CSMD1: variants seen among roughly 807,000 people sequenced by gnomAD.
CSMD1 encodes CUB and sushi domain-containing protein 1.
A neutral mutation model predicts 417.5 loss-of-function variants in CSMD1; 213 were observed. That is an observed-to-expected ratio of 0.51 (90% CI 0.46 to 0.57). CSMD1 has a LOEUF of 0.57. Ranked by LOEUF, CSMD1 falls within the 20% of genes least tolerant of loss-of-function variation. The pLI, the probability that CSMD1 is intolerant of heterozygous loss-of-function variation, is 0.00. For missense variants in CSMD1, 6,923 were observed against 4,529.7 expected, an observed-to-expected ratio of 1.53 and a Z score of -15.17; for synonymous variants, 2,862 against 1,736.8, an observed-to-expected ratio of 1.65 and a Z score of -16.11.
chr8:3,452,425 C>A (rs1264690068), intron 12 of CSMD1, among the ~76,000 whole-genome samples: 1 of 152,138 alleles, frequency 6.6e-6, no homozygotes, highest in African/African-American at 2.4e-5. Flanking sequence ...CCAGTTTTTG[C>A]CCCTTCAGTA....
At position 4,074,124 on chromosome 8, in the gene CSMD1, T is replaced by C. The variant is rs548094654; in HGVS notation, c.416-42025A>G. Among the ~76,000 whole-genome samples the C allele has an allele frequency of 2.0e-5, 3 of 152,204 alleles. No homozygotes were observed. In the South Asian group the frequency reaches 6.2e-4, roughly 32 times the overall value. On this transcript the variant is annotated intron_variant, in intron 3 of 69. Coordinates refer to ENST00000635120, the MANE Select transcript of CSMD1 (RefSeq NM_033225.6). ...TAAGTGAGCTTAAATGGGTTTTAAG[T>C]TGATCATGCTCTCCACGTAAACATA...
intron 2 of CSMD1, among the ~76,000 whole-genome samples, chr8:4,470,080 C>G (rs1431060576): frequency 2.6e-5 from 4 of 151,974 alleles, no homozygotes; most frequent in Admixed American, 6.6e-5. Flanking sequence ...CCGTGTTAGC[C>G]AGGATGGTCT....
intron 3 of CSMD1, among the ~76,000 whole-genome samples, chr8:4,377,377 C>A (rs1328217456): frequency 6.6e-6 from 1 of 152,252 alleles, no homozygotes; most frequent in East Asian, 1.9e-4. Flanking sequence ...GCTTCCTTTT[C>A]TTTTAGTCGT....
At chr8:3,100,798 T>C (rs893327048) in intron 46 of CSMD1, among the ~76,000 whole-genome samples, 1 of 152,198 alleles carries the variant, frequency 6.6e-6, no homozygotes, top group African/African-American at 2.4e-5. Context: ...ATTAATAGCA[T>C]AAATTGGGAT....
At chr8:4,913,516 A>C (rs186592809) in intron 1 of CSMD1, among the ~76,000 whole-genome samples, 55 of 152,290 alleles carry the variant, frequency 3.6e-4, no homozygotes, top group East Asian at 3.3e-3. Flanking sequence ...GTCTTATTTT[A>C]AACAGAAGCC....
At position 4,364,621 on chromosome 8, in the gene CSMD1, G is replaced by C. The variant is rs557537176; in HGVS notation, c.415+55332C>G. 2.7e-4 allele frequency among the ~76,000 whole-genome samples: 5 copies of C among 18,282 alleles called. 1 individual carries two copies. Among genetic ancestry groups the C allele is most frequent in the Admixed American group, 1.0e-3 (2 of 1,932 alleles). The allele number at this position is 18,282 out of a possible 152,430, so 12.0% of individuals were successfully genotyped here. On this transcript the variant is annotated intron_variant, in intron 3 of 69. Coordinates refer to ENST00000635120, the MANE Select transcript of CSMD1 (RefSeq NM_033225.6). ...GGGCGGATCACGAGGTCAGGAGATCGAGACCATCCCGGCTAAAACGGTGAA... is the reference window on the plus strand; with the variant it reads ...GGGCGGATCACGAGGTCAGGAGATCCAGACCATCCCGGCTAAAACGGTGAA...
chr8:3,308,613 A>T, intron 23 of CSMD1, 110 bp from the exon 24 acceptor site: 1 of 771,964 alleles, frequency 1.3e-6, no homozygotes, highest in Non-Finnish European at 2.1e-6. Context: ...GTAGGGAGAA[A>T]AAAGGAGATT....
intron 3 of CSMD1, among the ~76,000 whole-genome samples, chr8:4,046,143 T>C (rs1295535066): frequency 3.9e-5 from 6 of 152,282 alleles, no homozygotes; most frequent in African/African-American, 1.2e-4. Flanking sequence ...ATATGTATTA[T>C]GTATCATAAA....
intron 10 of CSMD1, among the ~76,000 whole-genome samples, chr8:3,512,393 C>G (rs184574336): frequency 6.6e-4 from 101 of 152,178 alleles, no homozygotes; most frequent in Admixed American, 2.9e-3. Flanking sequence ...GTGTGTCTCT[C>G]CCCATAGACA....
At chr8:3,248,318 G>C (rs1800014326) in intron 26 of CSMD1, among the ~76,000 whole-genome samples, 1 of 152,062 alleles carries the variant, frequency 6.6e-6, no homozygotes, top group Admixed American at 6.5e-5. Context: ...TGTTGTCTCA[G>C]ATAGTGATGA....
At chr8:4,112,198 A>C (rs1801892856) in intron 3 of CSMD1, among the ~76,000 whole-genome samples, 1 of 152,152 alleles carries the variant, frequency 6.6e-6, no homozygotes, top group Non-Finnish European at 1.5e-5. Flanking sequence ...ATAATTATCA[A>C]GAACCAGTAA....
intron 1 of CSMD1, among the ~76,000 whole-genome samples, chr8:4,787,001 T>C (rs955466939): frequency 6.6e-6 from 1 of 152,198 alleles, no homozygotes; most frequent in Non-Finnish European, 1.5e-5. Flanking sequence ...AGAGACCCCG[T>C]GTGTGTGGCA....
At chr8:4,094,174 G>C (rs953084368) in intron 3 of CSMD1, among the ~76,000 whole-genome samples, 4 of 152,054 alleles carry the variant, frequency 2.6e-5, no homozygotes, top group Admixed American at 6.6e-5. Context: ...CGAATGTGGT[G>C]AGCACTCTTT....
intron 5 of CSMD1, among the ~76,000 whole-genome samples, chr8:3,840,682 TC>T (rs1471699427): frequency 2.0e-5 from 3 of 149,140 alleles, no homozygotes; most frequent in African/African-American, 7.4e-5. Context: ...TGACCTCAAT[TC>T]TTTTTTTTAA....
At chr8:3,854,101 C>A (rs1490311497) in intron 5 of CSMD1, among the ~76,000 whole-genome samples, 6 of 143,658 alleles carry the variant, frequency 4.2e-5, no homozygotes, top group African/African-American at 1.5e-4. Flanking sequence ...TTACATTATA[C>A]TTTATATAGT....
intron 6 of CSMD1, among the ~76,000 whole-genome samples, chr8:3,717,777 G>T (rs1255475773): frequency 1.3e-5 from 2 of 152,186 alleles, no homozygotes; most frequent in East Asian, 3.9e-4. Context: ...TTTTCCTAAG[G>T]TATTTTTAAT....
At chr8:3,728,031 T>C (rs974969632) in intron 6 of CSMD1, among the ~76,000 whole-genome samples, 9 of 152,168 alleles carry the variant, frequency 5.9e-5, no homozygotes, top group African/African-American at 2.2e-4. Context: ...CTGTATTCAA[T>C]GCCCCTGAAT....
chr8:3,502,703 T>A (rs939912936), intron 10 of CSMD1, among the ~76,000 whole-genome samples: 11 of 152,156 alleles, frequency 7.2e-5, no homozygotes, highest in African/African-American at 2.7e-4. Context: ...TGTTAGGGGT[T>A]AGAAGAGGGA....
At chr8:4,870,053 C>T (rs901341018) in intron 1 of CSMD1, among the ~76,000 whole-genome samples, 10 of 151,982 alleles carry the variant, frequency 6.6e-5, no homozygotes, top group South Asian at 2.1e-4. Flanking sequence ...GTACCAGAAC[C>T]GCAGACTTCA....
Sources: allele counts gnomAD v4.1 joint callset (sites outside exome capture counted in the v4.1 genomes callset), GRCh38; gene constraint gnomAD v4.1.1; transcripts MANE v1.5; gene names NCBI Gene and HGNC (gene_info 2026-07-23, HGNC 2026-07-21).